Variants in THSD7B observed in about 807,000 individuals in gnomAD.
THSD7B encodes thrombospondin type 1 domain containing 7B.
In THSD7B, 138 loss-of-function variants were observed where a neutral mutation model predicts 213.6. The ratio of observed to expected loss-of-function variants is 0.65; its 90% CI spans 0.56 to 0.74. The LOEUF (loss-of-function observed/expected upper bound fraction) is 0.74. THSD7B is among the 30% of genes least tolerant of loss of function. The pLI is 0.00. For synonymous variants in THSD7B, 742 were observed against 687.0 expected (o/e 1.08, Z -1.25); for missense variants, 1,931 against 1,991.5 (o/e 0.97, Z 0.58).
chr2:137,032,037 C>T (rs1042017561), intron 2 of THSD7B, among the ~76,000 whole-genome samples: 7 of 152,014 alleles, frequency 4.6e-5, no homozygotes, highest in South Asian at 2.1e-4. Flanking sequence ...GACGAGATTT[C>T]GCCATGTTAC....
rs370061946 is a variant in THSD7B, at chr2:137,137,275, C to A, written c.1369+21982C>A. Among the ~76,000 whole-genome samples the A allele has an allele frequency of 5.7e-4, 87 of 152,280 alleles. 1 individual carries two copies. The highest frequency in any genetic ancestry group is 2.0e-3 in the African/African-American group (83 of 41,570). ...TCCTTCCGCCCCTTCCCAGTTAACT[C>A]ATTCCACTTCCAGTCCTAACCCCCA... On this transcript the variant is annotated intron_variant, in intron 5 of 27. Coordinates refer to ENST00000409968, the MANE Select transcript of THSD7B (RefSeq NM_001316349.2).
At chr2:137,656,443 T>C (rs1420821089) in intron 22 of THSD7B, among the ~76,000 whole-genome samples, 1 of 152,172 alleles carries the variant, frequency 6.6e-6, no homozygotes, top group East Asian at 1.9e-4. Flanking sequence ...GAACATCCAT[T>C]TTATGATGTT....
intron 1 of THSD7B, among the ~76,000 whole-genome samples, chr2:136,771,650 G>A (rs1681507374): frequency 6.6e-6 from 1 of 152,134 alleles, no homozygotes; most frequent in Non-Finnish European, 1.5e-5. Flanking sequence ...CACTGATGAT[G>A]CCAATTCACA....
At chr2:137,338,194 A>T (rs769104367) in intron 12 of THSD7B, among the ~76,000 whole-genome samples, 2 of 152,048 alleles carry the variant, frequency 1.3e-5, no homozygotes, top group South Asian at 4.1e-4. Context: ...TTTTCTCCAC[A>T]TAGTCCCTCC....
At chr2:137,099,269 T>C (rs922249689) in intron 4 of THSD7B, among the ~76,000 whole-genome samples, 1 of 152,148 alleles carries the variant, frequency 6.6e-6, no homozygotes, top group African/African-American at 2.4e-5. Context: ...TAGGATACCT[T>C]GGCACTTGGG....
At chr2:137,320,817 CTAA>C (rs1187628778) in intron 12 of THSD7B, among the ~76,000 whole-genome samples, 16 of 152,194 alleles carry the variant, frequency 1.1e-4, no homozygotes, top group Admixed American at 4.6e-4. Context: ...TCTTCTTCGA[CTAA>C]TAACATCTGA....
chr2:136,981,860 C>T (rs577136737), intron 2 of THSD7B, among the ~76,000 whole-genome samples: 158 of 152,246 alleles, frequency 1.0e-3, no homozygotes, highest in African/African-American at 3.8e-3. Flanking sequence ...TGCCTGTGAG[C>T]TCTATGTCAG....
At position 137,056,712 on chromosome 2, in the gene THSD7B, C is replaced by T; in HGVS notation, c.432C>T (p.Arg144=). 6.2e-7 allele frequency: 1 copy of T among 1,613,956 alleles called. No homozygotes were observed. Among genetic ancestry groups the T allele is most frequent in the Non-Finnish European group, 8.5e-7 (1 of 1,179,896 alleles). ...AQHGLQHRMV[R]CIQKLNRTVV... is the part of the protein sequence containing the mutation. ...ATGGACTGCAGCACCGGATGGTGCGCTGCATTCAGAAGCTGAACCGAACTG... is the reference window on the plus strand; with the variant it reads ...ATGGACTGCAGCACCGGATGGTGCGTTGCATTCAGAAGCTGAACCGAACTG... Residue 144 remains arginine, a synonymous_variant, in exon 3 of 28, where the codon CGC becomes CGT. Transcript: ENST00000409968.
At chr2:136,903,262 T>A (rs1684092293) in intron 2 of THSD7B, among the ~76,000 whole-genome samples, 1 of 152,156 alleles carries the variant, frequency 6.6e-6, no homozygotes, top group South Asian at 2.1e-4. Flanking sequence ...TCACTAGTGT[T>A]GAACTGCTAG....
At chr2:136,975,288 A>G (rs1685462192) in intron 2 of THSD7B, among the ~76,000 whole-genome samples, 1 of 152,056 alleles carries the variant, frequency 6.6e-6, no homozygotes, top group Non-Finnish European at 1.5e-5. Context: ...TATGTCCTGA[A>G]TGGTATTGTC....
intron 5 of THSD7B, among the ~76,000 whole-genome samples, chr2:137,126,440 T>G (rs1688629409): frequency 6.6e-6 from 1 of 152,116 alleles, no homozygotes; most frequent in Non-Finnish European, 1.5e-5. Flanking sequence ...CTGCTAGCTT[T>G]GAAGGTTTCC....
At chr2:136,905,425 A>G (rs538897865) in intron 2 of THSD7B, among the ~76,000 whole-genome samples, 3 of 152,216 alleles carry the variant, frequency 2.0e-5, no homozygotes, top group Non-Finnish European at 4.4e-5. Flanking sequence ...TTATGAGAAG[A>G]CGAAGACAAA....
At chr2:137,132,202 T>A (rs1038117832) in intron 5 of THSD7B, among the ~76,000 whole-genome samples, 4 of 151,316 alleles carry the variant, frequency 2.6e-5, no homozygotes, top group Non-Finnish European at 5.9e-5. Flanking sequence ...GGTGTATAAG[T>A]ATGCTTGTGA....
intron 1 of THSD7B, among the ~76,000 whole-genome samples, chr2:136,874,193 G>A (rs1683489386): frequency 6.6e-6 from 1 of 152,078 alleles, no homozygotes. Flanking sequence ...AGATCATTGA[G>A]GTCACTTGGA....
At chr2:137,368,411 T>C (rs183883816) in intron 12 of THSD7B, among the ~76,000 whole-genome samples, 1 of 152,180 alleles carries the variant, frequency 6.6e-6, no homozygotes, top group Admixed American at 6.6e-5. Context: ...TTCAAGTCTT[T>C]TGGTTTCTCC....
intron 2 of THSD7B, among the ~76,000 whole-genome samples, chr2:136,968,673 C>T (rs146771871): frequency 8.3e-4 from 127 of 152,172 alleles, no homozygotes; most frequent in African/African-American, 2.9e-3. Context: ...TTAAGAAATC[C>T]TGTCCTACCC....
At chr2:137,080,028 G>A (rs1413733970) in intron 3 of THSD7B, among the ~76,000 whole-genome samples, 1 of 152,074 alleles carries the variant, frequency 6.6e-6, no homozygotes, top group Non-Finnish European at 1.5e-5. Flanking sequence ...TTTTAGTAGA[G>A]AAGACGTTTC....
chr2:137,024,132 G>T (rs1010302312), intron 2 of THSD7B, among the ~76,000 whole-genome samples: 5 of 152,076 alleles, frequency 3.3e-5, no homozygotes, highest in Admixed American at 2.0e-4. Flanking sequence ...TCATTTATTT[G>T]CATTTGTTTT....
intron 17 of THSD7B, among the ~76,000 whole-genome samples, chr2:137,598,884 T>G (rs910417373): frequency 1.5e-5 from 2 of 135,276 alleles, no homozygotes; most frequent in African/African-American, 5.2e-5. Flanking sequence ...GTTCTTTTTT[T>G]TTTTTATTAT....
Sources: allele counts gnomAD v4.1 joint callset (sites outside exome capture counted in the v4.1 genomes callset), GRCh38; gene constraint gnomAD v4.1.1; transcripts MANE v1.5; gene names NCBI Gene and HGNC (gene_info 2026-07-23, HGNC 2026-07-21).